AKAP6: variants seen among roughly 807,000 people sequenced by gnomAD.
AKAP6 encodes the protein A-kinase anchoring protein 6, also known as A-kinase anchor protein 6.
Under a neutral mutation model 188.5 loss-of-function variants are expected in AKAP6, and 58 were observed. That is an observed-to-expected ratio of 0.31 (90% CI 0.25 to 0.38). The LOEUF is 0.38. AKAP6 is among the 10% of genes least tolerant of loss of function. The probability of loss-of-function intolerance (pLI) is 1.00; values close to 1 mark genes in which losing one functional copy is unlikely to be tolerated. For synonymous variants in AKAP6, 989 were observed against 998.6 expected (o/e 0.99, Z 0.18); for missense variants, 2,710 against 2,740.0 (o/e 0.99, Z 0.24).
At chr14:32,811,606 C>T (rs192240181) in intron 12 of AKAP6, among the ~76,000 whole-genome samples, 1 of 152,126 alleles carries the variant, frequency 6.6e-6, no homozygotes. Flanking sequence ...AGCCCTCTCA[C>T]GTATGGGATC....
At chr14:32,742,022 G>A (rs1284647302) in intron 11 of AKAP6, among the ~76,000 whole-genome samples, 1 of 150,984 alleles carries the variant, frequency 6.6e-6, no homozygotes, top group Non-Finnish European at 1.5e-5. Flanking sequence ...CTTTACTGGG[G>A]GATTTTTTAT....
intron 4 of AKAP6, among the ~76,000 whole-genome samples, chr14:32,565,705 A>G (rs1218757808): frequency 6.6e-6 from 1 of 152,218 alleles, no homozygotes; most frequent in African/African-American, 2.4e-5. Context: ...AGTACAAACT[A>G]CAGAGCATGT....
rs768671821 is a variant in AKAP6, at chr14:32,822,523, C to A, written c.4710C>A (p.Ser1570=). The A allele has an allele frequency of 2.7e-5, 44 of 1,613,866 alleles. No individual in the cohort carries two copies. The stretch of plus-strand genomic sequence containing the variant: ...TATCTCATAGTTCATCTATTGAGTC[C>A]CTTTCTCCAGGGGGTGATTTATTTG... ...SLLSHSSSIE[S]LSPGGDLFGL... Residue 1570 remains serine (S), a synonymous_variant, in exon 13 of 14, where the codon TCC becomes TCA. Coordinates refer to ENST00000280979, the MANE Select transcript of AKAP6 (RefSeq NM_004274.5).
chr14:32,523,555 G>T (rs1426406194), intron 2 of AKAP6, among the ~76,000 whole-genome samples: 1 of 149,698 alleles, frequency 6.7e-6, no homozygotes, highest in African/African-American at 2.5e-5. Context: ...TGCAACATCC[G>T]CCTCCCAGGG....
chr14:32,649,219 G>T (rs1019381370), intron 7 of AKAP6, among the ~76,000 whole-genome samples: 1 of 152,008 alleles, frequency 6.6e-6, no homozygotes, highest in African/African-American at 2.4e-5. Context: ...AATTAAAACC[G>T]TTAGTGGAAT....
At chr14:32,800,221 T>A (rs2140086511) in intron 12 of AKAP6, among the ~76,000 whole-genome samples, 1 of 148,306 alleles carries the variant, frequency 6.7e-6, no homozygotes, top group Non-Finnish European at 1.5e-5. Flanking sequence ...CACATCTATA[T>A]ATACATATAC....
At chr14:32,541,748 CAATGAA>C (rs1430790001) in intron 3 of AKAP6, among the ~76,000 whole-genome samples, 2 of 152,008 alleles carry the variant, frequency 1.3e-5, no homozygotes, top group African/African-American at 4.8e-5. Flanking sequence ...GAGTAATGAA[CAATGAA>C]AAGATTAAAG....
At chr14:32,786,296 A>ATGTTTTTTTTGTTTTTTTTTTTT in intron 12 of AKAP6, among the ~76,000 whole-genome samples, 4 of 93,706 alleles carry the variant, frequency 4.3e-5, no homozygotes, top group Non-Finnish European at 4.1e-5. Flanking sequence ...CTAAACCTTT[A>ATGTTTTTTTTGTTTTTTTTTTTT]TCTTTTTTTT....
rs2034858417 is a variant in AKAP6 at position 32,834,849 on chromosome 14, G to A, written c.*5044G>A. 1 of 152,190 alleles carries A rather than the reference G, an allele frequency of 6.6e-6. No homozygotes were observed. Among genetic ancestry groups the A allele is most frequent in the South Asian group, 2.1e-4 (1 of 4,832 alleles). The allele number at this position is 152,190 out of a possible 1,614,324, so 9.4% of individuals were successfully genotyped here. On this transcript the variant is annotated 3_prime_UTR_variant, in exon 14 of 14. Transcript: ENST00000280979. The stretch of plus-strand genomic sequence containing the variant: ...CATGCTTCATCCATCTAAGGCAAGG[G>A]TCAGCAAACTGTGGCACGTGGGCCA...
chr14:32,754,009 C>T (rs1203798935), intron 11 of AKAP6, among the ~76,000 whole-genome samples: 1 of 151,844 alleles, frequency 6.6e-6, no homozygotes, highest in Non-Finnish European at 1.5e-5. Context: ...TCTATAGGGT[C>T]TTTTGTAGTT....
At chr14:32,670,998 A>G (rs1219043661) in intron 7 of AKAP6, among the ~76,000 whole-genome samples, 2 of 152,198 alleles carry the variant, frequency 1.3e-5, no homozygotes, top group African/African-American at 4.8e-5. Flanking sequence ...CAGTAAACAC[A>G]TAAACAAAAC....
intron 5 of AKAP6, among the ~76,000 whole-genome samples, chr14:32,596,715 G>A (rs914816002): frequency 6.6e-6 from 1 of 152,028 alleles, no homozygotes; most frequent in African/African-American, 2.4e-5. Flanking sequence ...TATTGCAGAG[G>A]GACTGTACAC....
At chr14:32,773,182 A>G (rs1324412676) in intron 11 of AKAP6, among the ~76,000 whole-genome samples, 1 of 152,194 alleles carries the variant, frequency 6.6e-6, no homozygotes, top group Non-Finnish European at 1.5e-5. Flanking sequence ...TTCAGATAAT[A>G]GATTTTATAT....
chr14:32,519,407 A>G lies in AKAP6; in HGVS notation c.325-16147A>G, dbSNP rs180970710. ...TAAAAGACACAGACTGGCAAATTGG[A>G]TAAAGTGTCAAGACCCATCAGTGTG... On this transcript the variant is annotated intron_variant, in intron 2 of 13. Coordinates refer to ENST00000280979, the MANE Select transcript of AKAP6 (RefSeq NM_004274.5). Among the ~76,000 whole-genome samples, 418 of 152,338 alleles carry G rather than the reference A, an allele frequency of 2.7e-3. 13 individuals carry two copies. The highest frequency in any genetic ancestry group is 0.024 in the Admixed American group (371 of 15,296).
chr14:32,507,626 A>G (rs151084639), intron 2 of AKAP6, among the ~76,000 whole-genome samples: 45 of 151,594 alleles, frequency 3.0e-4, no homozygotes, highest in African/African-American at 9.0e-4. Context: ...AATATTTACC[A>G]TTGCAAGGCA....
At chr14:32,581,327 G>A (rs1217593379) in intron 5 of AKAP6, among the ~76,000 whole-genome samples, 2 of 152,148 alleles carry the variant, frequency 1.3e-5, no homozygotes, top group African/African-American at 4.8e-5. Context: ...TTAATCCTGA[G>A]TTCTAGTTTG....
At chr14:32,601,553 G>A (rs150976304) in intron 7 of AKAP6, among the ~76,000 whole-genome samples, 44 of 152,250 alleles carry the variant, frequency 2.9e-4, no homozygotes, top group East Asian at 1.2e-3. Context: ...TGATATTTTC[G>A]TGTAATCACT....
At chr14:32,558,630 C>A (rs952833609) in intron 4 of AKAP6, among the ~76,000 whole-genome samples, 1 of 152,218 alleles carries the variant, frequency 6.6e-6, no homozygotes, top group African/African-American at 2.4e-5. Flanking sequence ...GGAGTATAGG[C>A]TAAGCCACTA....
intron 13 of AKAP6, among the ~76,000 whole-genome samples, chr14:32,829,344 C>T (rs1200639871): frequency 6.6e-6 from 1 of 152,174 alleles, no homozygotes; most frequent in African/African-American, 2.4e-5. Flanking sequence ...GTGAATATTT[C>T]ACCACTATAC....
Sources: allele counts gnomAD v4.1 joint callset (sites outside exome capture counted in the v4.1 genomes callset), GRCh38; gene constraint gnomAD v4.1.1; transcripts MANE v1.5; gene names NCBI Gene and HGNC (gene_info 2026-07-23, HGNC 2026-07-21).